Variants in ZFHX4 observed in about 807,000 individuals in gnomAD.
ZFHX4 encodes the protein zinc finger homeobox 4.
In ZFHX4, 56 loss-of-function variants were observed where a neutral mutation model predicts 267.6. The ratio of observed to expected loss-of-function variants is 0.21; its 90% CI spans 0.17 to 0.26. The LOEUF (loss-of-function observed/expected upper bound fraction) is 0.26, where lower values mean the gene tolerates loss of function less well. Ranked by LOEUF, ZFHX4 falls within the 10% of genes least tolerant of loss-of-function variation. The pLI is 1.00. For missense variants in ZFHX4, 4,332 were observed against 4,420.0 expected, an observed-to-expected ratio of 0.98 and a Z score of 0.56; for synonymous variants, 1,778 against 1,665.6, an observed-to-expected ratio of 1.07 and a Z score of -1.64.
At chr8:76,778,060 A>C in intron 3 of ZFHX4, 148 bp from the exon 4 acceptor site, 1 of 619,086 alleles carries the variant, frequency 1.6e-6, no homozygotes, top group Non-Finnish European at 2.9e-6. Flanking sequence ...TTCACTTTTC[A>C]GGTGGTAGGC....
chr8:76,784,413 G>A (rs1224790746), intron 4 of ZFHX4, among the ~76,000 whole-genome samples: 2 of 151,902 alleles, frequency 1.3e-5, no homozygotes, highest in Non-Finnish European at 2.9e-5. Context: ...ATGTATGTAA[G>A]AGCAAGTATT....
chr8:76,765,922 T>C (rs936188626), intron 3 of ZFHX4, among the ~76,000 whole-genome samples: 1 of 152,116 alleles, frequency 6.6e-6, no homozygotes, highest in East Asian at 1.9e-4. Flanking sequence ...AAACTTAGTC[T>C]ATCCCACTTC....
At position 76,863,594 on chromosome 8, in the gene ZFHX4, G is replaced by A. The variant is rs1812937468; in HGVS notation, c.9880G>A (p.Glu3294Lys). The A allele has an allele frequency of 6.2e-7, 1 of 1,613,734 alleles. No individual in the cohort carries two copies. Among genetic ancestry groups the A allele is most frequent in the Non-Finnish European group, 8.5e-7 (1 of 1,179,816 alleles). The stretch of plus-strand genomic sequence containing the variant: ...ATACTTCCCACCTGTCTGTGGCATG[G>A]AGAGCCTCTTTCCTTATGGCCCTAC... Reference protein sequence around the residue: ...GGYFPPVCGMESLFPYGPTMP... With the variant: ...GGYFPPVCGMKSLFPYGPTMP... Residue 3294 changes from glutamate to lysine, a missense_variant, in exon 11 of 11, where the codon GAG becomes AAG. Physicochemically the swap from Glu to Lys is moderately conservative, Grantham distance 56. Around this residue, in one of 7 missense-constraint regions of ZFHX4, gnomAD observed 1,648 missense variants for 1,625.0 expected, o/e 1.01. Transcript: ENST00000651372.
At position 76,704,751 on chromosome 8, in the gene ZFHX4, T is replaced by C. The variant is rs1445283470; in HGVS notation, c.663T>C (p.Gly221=). 1 of 1,613,978 alleles carries C rather than the reference T, an allele frequency of 6.2e-7. No individual in the cohort carries two copies. Among genetic ancestry groups the C allele is most frequent in the Non-Finnish European group, 8.5e-7 (1 of 1,179,884 alleles). The change falls in exon 2 of 11, where the codon GGT becomes GGC. Residue 221 remains glycine (G), a synonymous_variant. Transcript: ENST00000651372. ...FPNTSALAGV[G]PVLHSFRVYD... is the part of the protein sequence containing the mutation. Reference sequence around the variant, plus strand: ...ATACCTCAGCATTAGCAGGAGTTGGTCCTGTGTTGCACAGTTTCCGTGTCT... The same window carrying C: ...ATACCTCAGCATTAGCAGGAGTTGGCCCTGTGTTGCACAGTTTCCGTGTCT...
At chr8:76,797,399 T>C (rs1811006719) in intron 4 of ZFHX4, among the ~76,000 whole-genome samples, 1 of 152,296 alleles carries the variant, frequency 6.6e-6, no homozygotes, top group African/African-American at 2.4e-5. Context: ...AGTCTGGAAA[T>C]GCAGAATGAA....
intron 1 of ZFHX4, chr8:76,682,526 G>A (rs1413418342): frequency 6.6e-6 from 1 of 152,344 alleles, no homozygotes; most frequent in African/African-American, 2.4e-5. Flanking sequence ...TAGGAGGCGG[G>A]ATCGCCCGGC....
intron 4 of ZFHX4, among the ~76,000 whole-genome samples, chr8:76,783,796 C>T (rs16939361): frequency 6.6e-6 from 1 of 151,816 alleles, no homozygotes; most frequent in Admixed American, 6.6e-5. Flanking sequence ...TTCTCTAACC[C>T]GGTTCAAATG....
chr8:76,864,708 G>C lies in ZFHX4; in HGVS notation c.*143G>C. 1.7e-6 allele frequency: 1 copy of C among 595,016 alleles called. No homozygotes were observed. Among genetic ancestry groups the C allele is most frequent in the Non-Finnish European group, 2.8e-6 (1 of 353,192 alleles). 36.9% of individuals were successfully genotyped at this position (595,016 alleles called of 1,614,324 possible). A position where few individuals can be genotyped will look rare whatever the true frequency, so the allele number is the denominator to read the frequency against. ...GACTCAGGATTGTTTTTCCCATATTGATATGCTGGCAATATAGGATGGTAT... is the reference window on the plus strand; with the variant it reads ...GACTCAGGATTGTTTTTCCCATATTCATATGCTGGCAATATAGGATGGTAT... On this transcript the variant is annotated 3_prime_UTR_variant, in exon 11 of 11. Transcript: ENST00000651372.
chr8:76,828,897 G>A (rs908020993), intron 4 of ZFHX4, among the ~76,000 whole-genome samples: 9 of 152,152 alleles, frequency 5.9e-5, no homozygotes, highest in Non-Finnish European at 8.8e-5. Flanking sequence ...TACTCTGGTG[G>A]TATATATTTT....
chr8:76,793,268 G>C (rs560802396), intron 4 of ZFHX4, among the ~76,000 whole-genome samples: 64 of 152,178 alleles, frequency 4.2e-4, no homozygotes, highest in African/African-American at 1.5e-3. Flanking sequence ...AAAAAAAAGA[G>C]TACTATTAGA....
chr8:76,713,369 G>A (rs1202186541), intron 3 of ZFHX4, among the ~76,000 whole-genome samples: 3 of 152,066 alleles, frequency 2.0e-5, no homozygotes, highest in African/African-American at 7.2e-5. Context: ...CTAAGACCAG[G>A]CATTAGCAAC....
chr8:76,773,357 G>T (rs1563513854), intron 3 of ZFHX4, among the ~76,000 whole-genome samples: 1 of 152,144 alleles, frequency 6.6e-6, no homozygotes, highest in Non-Finnish European at 1.5e-5. Flanking sequence ...AAATGTTGCA[G>T]AATCATTGTA....
At chr8:76,758,153 A>AG (rs1385917042) in intron 3 of ZFHX4, among the ~76,000 whole-genome samples, 1 of 152,100 alleles carries the variant, frequency 6.6e-6, no homozygotes, top group African/African-American at 2.4e-5. Context: ...GGGCATGAAA[A>AG]CAAGTAAATG....
chr8:76,693,938 T>G (rs1807888336), intron 1 of ZFHX4, among the ~76,000 whole-genome samples: 1 of 152,228 alleles, frequency 6.6e-6, no homozygotes, highest in African/African-American at 2.4e-5. Context: ...GCACTTGGCT[T>G]TGTTCTTACT....
At chr8:76,794,055 C>T (rs114393152) in intron 4 of ZFHX4, among the ~76,000 whole-genome samples, 158 of 152,260 alleles carry the variant, frequency 1.0e-3, no homozygotes, top group African/African-American at 3.6e-3. Flanking sequence ...TTTATCTTAA[C>T]AGAACTTTTT....
At chr8:76,687,968 A>G (rs1452401265) in intron 1 of ZFHX4, among the ~76,000 whole-genome samples, 1 of 152,274 alleles carries the variant, frequency 6.6e-6, no homozygotes, top group African/African-American at 2.4e-5. Flanking sequence ...CGCTCTCTCT[A>G]AAGTTATGTT....
intron 3 of ZFHX4, among the ~76,000 whole-genome samples, chr8:76,738,170 G>A (rs1192080206): frequency 1.3e-5 from 2 of 152,020 alleles, no homozygotes; most frequent in Non-Finnish European, 2.9e-5. Context: ...ATTTTGTTTT[G>A]CTTGTGGGTA....
At chr8:76,820,278 C>T (rs575486446) in intron 4 of ZFHX4, among the ~76,000 whole-genome samples, 18 of 151,920 alleles carry the variant, frequency 1.2e-4, no homozygotes, top group African/African-American at 3.4e-4. Flanking sequence ...TTCAGATTAC[C>T]GTATATTTTG....
At chr8:76,798,064 T>A (rs1017596185) in intron 4 of ZFHX4, among the ~76,000 whole-genome samples, 2 of 152,078 alleles carry the variant, frequency 1.3e-5, no homozygotes, top group African/African-American at 4.8e-5. Context: ...TTTAAAAAAT[T>A]TGCAGATAAA....
Sources: gnomAD v4.1 joint callset for allele counts (sites outside exome capture counted in the v4.1 genomes callset) on GRCh38, gnomAD v4.1.1 for gene constraint, gnomAD v4.1.1 regional missense constraint, MANE v1.5 for transcripts, NCBI Gene and HGNC (gene_info 2026-07-23, HGNC 2026-07-21) for gene names.